ATF7IP2: variants seen among roughly 807,000 people sequenced by gnomAD.
The protein encoded by ATF7IP2 is activating transcription factor 7-interacting protein 2.
A neutral mutation model predicts 64.2 loss-of-function variants in ATF7IP2; 42 were observed. The ratio of observed to expected loss-of-function variants is 0.65; its 90% confidence interval spans 0.51 to 0.85. The LOEUF is 0.85. Ranked by LOEUF, ATF7IP2 falls within the 40% of genes least tolerant of loss-of-function variation. The pLI is 0.00. For missense variants in ATF7IP2, 933 were observed against 784.2 expected (o/e 1.19, Z -2.27); for synonymous variants, 308 against 272.8 (o/e 1.13, Z -1.27).
intron 9 of ATF7IP2, among the ~76,000 whole-genome samples, chr16:10,469,813 T>A (rs748048396): frequency 1.5e-4 from 23 of 151,804 alleles, no homozygotes; most frequent in Non-Finnish European, 2.2e-4. Flanking sequence ...AATGGCACCA[T>A]ACTTCTTGCT....
At chr16:10,408,611 T>C (rs761297640) in intron 1 of ATF7IP2, among the ~76,000 whole-genome samples, 1 of 152,242 alleles carries the variant, frequency 6.6e-6, no homozygotes. Flanking sequence ...TTTTTTCATA[T>C]GTTTGTTGGC....
At chr16:10,417,814 C>A (rs1375336538) in intron 2 of ATF7IP2, among the ~76,000 whole-genome samples, 1 of 152,158 alleles carries the variant, frequency 6.6e-6, no homozygotes, top group Non-Finnish European at 1.5e-5. Flanking sequence ...GTGGTACAGA[C>A]CTATACACAA....
chr16:10,395,296 CAT>C (rs2047400983), intron 1 of ATF7IP2, among the ~76,000 whole-genome samples: 1 of 152,028 alleles, frequency 6.6e-6, no homozygotes, highest in Non-Finnish European at 1.5e-5. Flanking sequence ...TCTGAACAAA[CAT>C]AAACAAAGCA....
At chr16:10,457,567 TC>T (rs1403212506) in intron 9 of ATF7IP2, 38 bp downstream of exon 9, 3 of 1,422,872 alleles carry the variant, frequency 2.1e-6, no homozygotes, top group Admixed American at 2.5e-5. Flanking sequence ...TTTATCTAAA[TC>T]TATAATAATG....
chr16:10,426,815 G>A (rs1404597863), intron 3 of ATF7IP2, among the ~76,000 whole-genome samples: 1 of 151,884 alleles, frequency 6.6e-6, no homozygotes, highest in African/African-American at 2.4e-5. Context: ...TATAACAAAG[G>A]ATTGACAAGG....
rs1567183157 is a variant in ATF7IP2 at position 10,480,943 on chromosome 16, A to T, written c.1614A>T (p.Pro538=). The change falls in exon 13 of 14, where the codon CCA becomes CCT. Residue 538 remains proline, a synonymous_variant. Coordinates refer to ENST00000562102, the MANE Select transcript of ATF7IP2 (RefSeq NM_001393719.1). ...CTTCAAACTCAAAGGAAACAACCCCATTGGCACAAAATGCAGTCCAGGTAC... is the reference window on the plus strand; with the variant it reads ...CTTCAAACTCAAAGGAAACAACCCCTTTGGCACAAAATGCAGTCCAGGTAC... ...KAASNSKETT[P]LAQNAVQVPE... 8.1e-6 allele frequency: 13 copies of T among 1,610,760 alleles called. No homozygotes were observed. Among genetic ancestry groups the T allele is most frequent in the Non-Finnish European group, 9.3e-6 (11 of 1,177,032 alleles).
intron 9 of ATF7IP2, among the ~76,000 whole-genome samples, chr16:10,460,565 T>G (rs1279969493): frequency 1.3e-5 from 2 of 152,140 alleles, no homozygotes; most frequent in African/African-American, 4.8e-5. Flanking sequence ...TGTATGTATA[T>G]GTGATATGTG....
At chr16:10,459,195 G>C (rs772080783) in intron 9 of ATF7IP2, among the ~76,000 whole-genome samples, 6 of 152,066 alleles carry the variant, frequency 3.9e-5, no homozygotes, top group Non-Finnish European at 5.9e-5. Flanking sequence ...TAGGCCCGGT[G>C]CGGTGGCTCA....
chr16:10,450,355 A>T (rs1261597310), intron 8 of ATF7IP2, among the ~76,000 whole-genome samples: 1 of 152,154 alleles, frequency 6.6e-6, no homozygotes, highest in Non-Finnish European at 1.5e-5. Flanking sequence ...GTTGAGTTCT[A>T]GTCCTGAGTA....
At chr16:10,393,587 A>G (rs929117849) in intron 1 of ATF7IP2, among the ~76,000 whole-genome samples, 2 of 152,180 alleles carry the variant, frequency 1.3e-5, no homozygotes, top group African/African-American at 4.8e-5. Flanking sequence ...ATTGTAGGCT[A>G]ATATGAGTGT....
intron 3 of ATF7IP2, among the ~76,000 whole-genome samples, chr16:10,427,367 A>G (rs1005415643): frequency 2.0e-5 from 3 of 152,220 alleles, no homozygotes; most frequent in African/African-American, 7.2e-5. Context: ...AAATCTGGCA[A>G]TACCAAGGGT....
At chr16:10,416,477 G>A (rs2047880837) in intron 2 of ATF7IP2, among the ~76,000 whole-genome samples, 1 of 152,218 alleles carries the variant, frequency 6.6e-6, no homozygotes, top group Middle Eastern at 3.4e-3. Flanking sequence ...AAGAAGGTGG[G>A]GGTGGTTAAT....
intron 2 of ATF7IP2, among the ~76,000 whole-genome samples, chr16:10,417,367 CAAGTT>C (rs2047899878): frequency 6.6e-6 from 1 of 151,978 alleles, no homozygotes; most frequent in Non-Finnish European, 1.5e-5. Flanking sequence ...CATTTAGACT[CAAGTT>C]GAAGGGGTAG....
Position 10,412,010 on chromosome 16 carries a change from GTTTT to G in ATF7IP2, c.-241-2538_-241-2535del, listed in dbSNP as rs71133351. Among the ~76,000 whole-genome samples the G allele has an allele frequency of 1.7e-4, 10 of 58,398 alleles. 1 individual carries two copies. The highest frequency in any genetic ancestry group is 3.0e-4 in the Non-Finnish European group (9 of 30,160). The allele number at this position is 58,398 out of a possible 152,430, so 38.3% of individuals were successfully genotyped here. The stretch of plus-strand genomic sequence containing the variant: ...CTTTTTGTTTCATTTATCTTTTTTT[GTTTT>G]TTTTTTTTTTTTTTTTTTTTTTTTT... On this transcript the variant is annotated intron_variant, in intron 1 of 13. Transcript: ENST00000562102.
intron 9 of ATF7IP2, among the ~76,000 whole-genome samples, chr16:10,467,279 ACCT>A (rs1432665615): frequency 6.6e-6 from 1 of 152,040 alleles, no homozygotes; most frequent in East Asian, 1.9e-4. Flanking sequence ...GCCAAAAATT[ACCT>A]CCTTTTTAAA....
intron 3 of ATF7IP2, among the ~76,000 whole-genome samples, chr16:10,423,795 G>A (rs1235950767): frequency 1.3e-5 from 2 of 152,120 alleles, no homozygotes; most frequent in Middle Eastern, 3.2e-3. Context: ...AAGGTGGAAC[G>A]AGCCAGAGCC....
In ATF7IP2 at chr16:10,482,439, C is replaced by CGAA; in HGVS notation, c.*190_*191insGAA. ...CTGGTTTGTATTAAATATGTCCTTC[C>CGAA]AATGGATAAGTTCTAAAACATACGC... On this transcript the variant is annotated 3_prime_UTR_variant, in exon 14 of 14. Coordinates refer to ENST00000562102, the MANE Select transcript of ATF7IP2 (RefSeq NM_001393719.1). 2.0e-6 allele frequency: 1 copy of CGAA among 504,558 alleles called. No homozygotes were observed. The highest frequency in any genetic ancestry group is 2.8e-5 in the South Asian group (1 of 35,602). The allele number at this position is 504,558 out of a possible 1,614,324, so 31.3% of individuals were successfully genotyped here.
chr16:10,479,253 A>G (rs11074864), intron 12 of ATF7IP2, among the ~76,000 whole-genome samples: 18,642 of 149,250 alleles, frequency 0.12, 2,634 homozygotes, highest in African/African-American at 0.37. Flanking sequence ...AACCAACCCA[A>G]ATGTCCAACA....
At chr16:10,472,760 G>A (rs1020778610) in intron 10 of ATF7IP2, among the ~76,000 whole-genome samples, 1 of 151,364 alleles carries the variant, frequency 6.6e-6, no homozygotes, top group Non-Finnish European at 1.5e-5. Flanking sequence ...GGAGGGTGAG[G>A]CAGGAGAATT....
Sources: allele counts gnomAD v4.1 joint callset (sites outside exome capture counted in the v4.1 genomes callset), GRCh38; gene constraint gnomAD v4.1.1; transcripts MANE v1.5; gene names NCBI Gene and HGNC (gene_info 2026-07-23, HGNC 2026-07-21).